The following BTD variants were observed in gnomAD, a reference collection of about 807,000 sequenced individuals.
BTD encodes biotinidase.
In BTD, 13 loss-of-function variants were observed where a neutral mutation model predicts 17.7. The ratio of observed to expected loss-of-function variants is 0.74; its 90% confidence interval spans 0.48 to 1.17. The LOEUF (loss-of-function observed/expected upper bound fraction) is 1.17, where lower values mean the gene tolerates loss of function less well. Ranked by LOEUF, BTD falls within the 50% of genes most tolerant of loss-of-function variation. BTD has a pLI of 0.00. For missense variants in BTD, 674 were observed against 650.4 expected, an observed-to-expected ratio of 1.04 and a Z score of -0.39; for synonymous variants, 240 against 245.2, an observed-to-expected ratio of 0.98 and a Z score of 0.20.
intron 3 of BTD, among the ~76,000 whole-genome samples, chr3:15,694,540 A>G (rs2069259643): frequency 6.6e-6 from 1 of 151,850 alleles, no homozygotes; most frequent in African/African-American, 2.4e-5. Flanking sequence ...TTCTAAAGCA[A>G]GAAACAGAAA....
chr3:15,693,751 T>C (rs952702368), intron 3 of BTD, among the ~76,000 whole-genome samples: 4 of 152,134 alleles, frequency 2.6e-5, no homozygotes, highest in African/African-American at 7.2e-5. Flanking sequence ...TTCCAAGGAC[T>C]CAAAGGGCAA....
chr3:15,690,150 CTA>C, intron 3 of BTD: 1 of 1,609,660 alleles, frequency 6.2e-7, no homozygotes, highest in Non-Finnish European at 8.5e-7. Context: ...TCTTCCACTA[CTA>C]TTTCTGACAT....
chr3:15,706,886 T>A lies in BTD; in HGVS notation c.400-3174T>A, dbSNP rs139868515. 4.1e-3 allele frequency among the ~76,000 whole-genome samples: 618 copies of A among 152,290 alleles called. 2 individuals are homozygous for A. The highest frequency in any genetic ancestry group is 0.023 in the East Asian group (118 of 5,180). ...TGTGTCTGTTGGCTGCATAAATGTCTTCTTTAGAGAAGTGTCTGTTCATAT... is the reference window on the plus strand; with the variant it reads ...TGTGTCTGTTGGCTGCATAAATGTCATCTTTAGAGAAGTGTCTGTTCATAT... On this transcript the variant is annotated intron_variant, in intron 3 of 3. Coordinates refer to the BTD transcript ENST00000672141.
intron 4 of BTD, among the ~76,000 whole-genome samples, chr3:15,719,437 T>A (rs765437292): frequency 6.6e-6 from 1 of 152,194 alleles, no homozygotes; most frequent in Non-Finnish European, 1.5e-5. Context: ...TTGATAAAAT[T>A]AATACAGAAA....
chr3:15,602,032 T>C, intron 1 of BTD, 138 bp downstream of exon 1: 1 of 1,489,848 alleles, frequency 6.7e-7, no homozygotes, highest in Non-Finnish European at 8.9e-7. Context: ...GCGCGTCGTT[T>C]GCTGGGGCTG....
chr3:15,650,546 CACTCT>C lies in BTD; in HGVS notation c.*5064_*5068del, dbSNP rs886789804. ...AATGGTGTCTCTGGACACAGTATCA[CACTCT>C]ACTCTGCACTCTTCTTTATCATTTT... On this transcript the variant is annotated 3_prime_UTR_variant, in exon 4 of 4. Coordinates refer to ENST00000643237, the MANE Select transcript of BTD (RefSeq NM_001370658.1). Among the ~76,000 whole-genome samples, 3 of 152,162 alleles carry C rather than the reference CACTCT, an allele frequency of 2.0e-5. No homozygotes were observed. Among genetic ancestry groups the C allele is most frequent in the Non-Finnish European group, 4.4e-5 (3 of 68,034 alleles).
At chr3:15,688,491 C>A (rs2068410221) in intron 3 of BTD, among the ~76,000 whole-genome samples, 1 of 152,176 alleles carries the variant, frequency 6.6e-6, no homozygotes, top group Non-Finnish European at 1.5e-5. Flanking sequence ...ATTTTAACCT[C>A]TTGTTCAAAC....
At chr3:15,686,450 AAAG>A in intron 3 of BTD, 2 of 690,650 alleles carry the variant, frequency 2.9e-6, no homozygotes, top group African/African-American at 1.8e-5. Context: ...CTATAGGTAA[AAAG>A]AAGGTTTCTA....
Position 15,635,422 on chromosome 3 carries a change from A to G in BTD, c.-16-2A>G, listed in dbSNP as rs1243427154. 6.2e-7 allele frequency: 1 copy of G among 1,614,212 alleles called. No homozygotes were observed. Among genetic ancestry groups the G allele is most frequent in the Admixed American group, 1.7e-5 (1 of 60,028 alleles). On this transcript the variant is annotated splice_acceptor_variant, in intron 1 of 3. Transcript: ENST00000643237. LOFTEE classifies it low-confidence loss of function (5UTR_SPLICE). The surrounding 1 kb of genome is among the most constrained non-coding windows in gnomAD (Gnocchi z 4.1). The stretch of plus-strand genomic sequence containing the variant: ...TTTTCCCCTTGCCCCATTACATTCC[A>G]GATTTGTGGTCTGCATTATGTCTGG...
intron 3 of BTD, chr3:15,684,455 G>A (rs1007774223): frequency 6.6e-6 from 1 of 152,078 alleles, no homozygotes; most frequent in Non-Finnish European, 1.5e-5. Flanking sequence ...ATTGAACATG[G>A]ATATTACTGG....
chr3:15,661,116 A>G (rs1021955703), intron 3 of BTD, among the ~76,000 whole-genome samples: 3 of 151,582 alleles, frequency 2.0e-5, no homozygotes, highest in Non-Finnish European at 2.9e-5. Context: ...AAATACAAAA[A>G]TTAGCCGGGC....
downstream of BTD, chr3:15,713,465 C>G: frequency 7.9e-7 from 1 of 1,258,440 alleles, no homozygotes; most frequent in South Asian, 1.3e-5. Context: ...GTCTAGAAAA[C>G]TGCAGTTCAC....
intron 1 of BTD, among the ~76,000 whole-genome samples, chr3:15,632,007 T>G (rs531800277): frequency 2.2e-4 from 33 of 152,272 alleles, no homozygotes; most frequent in Non-Finnish European, 4.3e-4. Flanking sequence ...TCCCCTTGGC[T>G]CCAGCCCCCT....
At chr3:15,692,897 G>A (rs2125852807) in intron 3 of BTD, among the ~76,000 whole-genome samples, 1 of 152,248 alleles carries the variant, frequency 6.6e-6, no homozygotes, top group Non-Finnish European at 1.5e-5. Flanking sequence ...AAAGAAAAAT[G>A]TGCTATATAC....
intron 3 of BTD, among the ~76,000 whole-genome samples, chr3:15,688,790 C>T (rs775636975): frequency 6.6e-6 from 1 of 152,150 alleles, no homozygotes; most frequent in East Asian, 1.9e-4. Context: ...GGTTATAGAC[C>T]TTCGTATTTT....
intron 3 of BTD, chr3:15,676,222 C>T (rs1002081246): frequency 7.7e-6 from 3 of 390,050 alleles, no homozygotes; most frequent in South Asian, 1.1e-4. Context: ...TAGGTCCCAT[C>T]GACAGGTCCC....
intron 2 of BTD, among the ~76,000 whole-genome samples, chr3:15,637,695 A>G (rs1303018227): frequency 6.6e-6 from 1 of 152,198 alleles, no homozygotes; most frequent in Non-Finnish European, 1.5e-5. Context: ...TTCTCTTGAT[A>G]GAGATGTTTG....
intron 1 of BTD, chr3:15,631,431 C>T (rs1198723051): frequency 6.5e-7 from 1 of 1,530,594 alleles, no homozygotes; most frequent in Non-Finnish European, 8.8e-7. Flanking sequence ...TTTCAGAAGA[C>T]ACTATTGTAA....
intron 1 of BTD, chr3:15,602,415 T>A: frequency 6.8e-6 from 5 of 739,974 alleles, no homozygotes; most frequent in Non-Finnish European, 8.3e-6. Context: ...ATTCTTAGGT[T>A]GGGTCCCTAC....
Sources: gnomAD v4.1 joint callset for allele counts (sites outside exome capture counted in the v4.1 genomes callset) on GRCh38, gnomAD v4.1.1 for gene constraint, Gnocchi (gnomAD v3.1) non-coding constraint, MANE v1.5 for transcripts, NCBI Gene and HGNC (gene_info 2026-07-23, HGNC 2026-07-21) for gene names.